KSR2: variants seen among roughly 807,000 people sequenced by gnomAD.
The protein encoded by KSR2 is kinase suppressor of ras 2.
In KSR2, 25 loss-of-function variants were observed where a neutral mutation model predicts 107.8. That is an observed-to-expected ratio of 0.23 (90% CI 0.17 to 0.32). The LOEUF is 0.32. KSR2 is among the 10% of genes least tolerant of loss of function. The pLI is 1.00. For missense variants in KSR2, 887 were observed against 1,268.9 expected (o/e 0.70, Z 4.57); for synonymous variants, 480 against 507.0 (o/e 0.95, Z 0.71).
intron 5 of KSR2, among the ~76,000 whole-genome samples, chr12:117,600,561 G>A (rs2136289723): frequency 6.6e-6 from 1 of 152,296 alleles, no homozygotes; most frequent in South Asian, 2.1e-4. Context: ...ACAAAACAAA[G>A]GCAGGATTGA....
intron 5 of KSR2, among the ~76,000 whole-genome samples, chr12:117,598,360 C>T (rs910711431): frequency 2.6e-5 from 4 of 152,152 alleles, no homozygotes; most frequent in African/African-American, 7.2e-5. Context: ...TATACGTATA[C>T]CACATTTTCT....
intron 4 of KSR2, among the ~76,000 whole-genome samples, chr12:117,729,399 TTAC>T (rs1887570871): frequency 6.6e-6 from 1 of 152,102 alleles, no homozygotes; most frequent in African/African-American, 2.4e-5. Context: ...AGAGTCTAAA[TTAC>T]AGGCAAGGAC....
chr12:117,467,910 C>T (rs1871234561), intron 19 of KSR2: 1 of 218,678 alleles, frequency 4.6e-6, no homozygotes, highest in Non-Finnish European at 7.9e-6. Flanking sequence ...TGCTAGACCA[C>T]AGTCCTGTGT....
intron 1 of KSR2, among the ~76,000 whole-genome samples, chr12:117,908,846 A>G (rs1894932280): frequency 6.6e-6 from 1 of 152,178 alleles, no homozygotes. Flanking sequence ...TATTAAGGCA[A>G]TGAGGTAGTT....
At chr12:117,732,147 A>C (rs1049002686) in intron 4 of KSR2, among the ~76,000 whole-genome samples, 1 of 152,068 alleles carries the variant, frequency 6.6e-6, no homozygotes, top group African/African-American at 2.4e-5. Flanking sequence ...AATAGGTAAA[A>C]CCCTGGTCGT....
At chr12:117,611,848 C>T (rs190252582) in intron 5 of KSR2, among the ~76,000 whole-genome samples, 6 of 152,222 alleles carry the variant, frequency 3.9e-5, no homozygotes, top group Middle Eastern at 3.4e-3. Context: ...TTATGCTAAA[C>T]GAAATAAGCC....
intron 3 of KSR2, among the ~76,000 whole-genome samples, chr12:117,844,600 TCCA>T (rs1192009682): frequency 2.0e-5 from 3 of 152,172 alleles, no homozygotes; most frequent in Non-Finnish European, 4.4e-5. Context: ...AGCCCAAATT[TCCA>T]CCACATATTT....
chr12:117,632,965 G>C (rs186930773), intron 5 of KSR2, among the ~76,000 whole-genome samples: 1 of 152,278 alleles, frequency 6.6e-6, no homozygotes, highest in African/African-American at 2.4e-5. Context: ...TGGATTCCAT[G>C]TCTTTGCTAT....
chr12:117,503,047 C>T (rs1010650650), intron 14 of KSR2, among the ~76,000 whole-genome samples: 1 of 151,966 alleles, frequency 6.6e-6, no homozygotes, highest in Admixed American at 6.6e-5. Context: ...GGGGAGTGTG[C>T]TGGCAGGAAT....
chr12:117,776,730 G>A (rs1282237173), intron 3 of KSR2, among the ~76,000 whole-genome samples: 1 of 151,974 alleles, frequency 6.6e-6, no homozygotes, highest in Non-Finnish European at 1.5e-5. Context: ...GTTCCACGGT[G>A]GCTTGGGCAC....
intron 14 of KSR2, among the ~76,000 whole-genome samples, chr12:117,513,834 T>C (rs941611472): frequency 1.3e-5 from 2 of 152,262 alleles, no homozygotes; most frequent in Non-Finnish European, 2.9e-5. Context: ...GCTGATTCCC[T>C]GCAATCTGAC....
chr12:117,797,844 T>C (rs1167449870), intron 3 of KSR2, among the ~76,000 whole-genome samples: 1 of 151,630 alleles, frequency 6.6e-6, no homozygotes, highest in Non-Finnish European at 1.5e-5. Flanking sequence ...ATAGACAGGG[T>C]CTCACTATGT....
intron 3 of KSR2, among the ~76,000 whole-genome samples, chr12:117,773,054 T>C (rs569459656): frequency 1.1e-4 from 16 of 152,232 alleles, no homozygotes; most frequent in South Asian, 4.1e-4. Context: ...GGGATTCAAC[T>C]TCTCTCTGCC....
At chr12:117,652,465 G>T (rs1161583234) in intron 5 of KSR2, among the ~76,000 whole-genome samples, 2 of 152,234 alleles carry the variant, frequency 1.3e-5, no homozygotes, top group African/African-American at 4.8e-5. Flanking sequence ...TAGGTAGGAT[G>T]GACAAAAGGC....
chr12:117,625,588 T>C (rs1882452405), intron 5 of KSR2, among the ~76,000 whole-genome samples: 1 of 152,242 alleles, frequency 6.6e-6, no homozygotes, highest in African/African-American at 2.4e-5. Flanking sequence ...TTTGATGTGC[T>C]GCTGGATTTG....
intron 7 of KSR2, among the ~76,000 whole-genome samples, chr12:117,576,234 A>G (rs1879276764): frequency 6.6e-6 from 1 of 152,038 alleles, no homozygotes; most frequent in African/African-American, 2.4e-5. Flanking sequence ...AAGCCTCCAC[A>G]CGGCAGGTAT....
At chr12:117,933,524 G>A (rs1256330115) in intron 1 of KSR2, among the ~76,000 whole-genome samples, 5 of 151,640 alleles carry the variant, frequency 3.3e-5, no homozygotes, top group Admixed American at 6.6e-5. Context: ...CCCGGGAGGC[G>A]GAGCTTGCAG....
intron 3 of KSR2, among the ~76,000 whole-genome samples, chr12:117,771,678 T>TG: frequency 6.6e-6 from 1 of 152,142 alleles, no homozygotes. Context: ...ATCCTACTGA[T>TG]GAAGAAACTG....
chr12:117,914,013 C>T (rs565435354), intron 1 of KSR2, among the ~76,000 whole-genome samples: 1 of 152,306 alleles, frequency 6.6e-6, no homozygotes, highest in East Asian at 1.9e-4. Flanking sequence ...TCCCAGGGGT[C>T]CCACCCCTTA....
Sources: allele counts gnomAD v4.1 joint callset (sites outside exome capture counted in the v4.1 genomes callset), GRCh38; gene constraint gnomAD v4.1.1; transcripts MANE v1.5; gene names NCBI Gene and HGNC (gene_info 2026-07-23, HGNC 2026-07-21).